NAV2: variants seen among roughly 807,000 people sequenced by gnomAD.
NAV2 encodes neuron navigator 2.
A neutral mutation model predicts 223.2 loss-of-function variants in NAV2; 54 were observed. That is an observed-to-expected ratio of 0.24 (90% confidence interval 0.19 to 0.30). The LOEUF (loss-of-function observed/expected upper bound fraction) is 0.30, where lower values mean the gene tolerates loss of function less well. Ranked by LOEUF, NAV2 falls within the 10% of genes least tolerant of loss-of-function variation. The probability of loss-of-function intolerance (pLI) is 1.00; values close to 1 mark genes in which losing one functional copy is unlikely to be tolerated. For missense variants in NAV2, 2,806 were observed against 3,147.5 expected, an observed-to-expected ratio of 0.89 and a Z score of 2.60; for synonymous variants, 1,279 against 1,239.3, an observed-to-expected ratio of 1.03 and a Z score of -0.67.
chr11:19,817,681 T>G (rs925391724), intron 1 of NAV2, among the ~76,000 whole-genome samples: 2 of 152,216 alleles, frequency 1.3e-5, no homozygotes. Flanking sequence ...GCAGGTGCTC[T>G]GTAACAAGCA....
At chr11:19,806,389 T>C (rs2058561768) in intron 1 of NAV2, among the ~76,000 whole-genome samples, 1 of 152,252 alleles carries the variant, frequency 6.6e-6, no homozygotes. Context: ...TCTGTTGTCA[T>C]CAGATTCCTT....
chr11:19,548,955 T>G (rs16936962), intron 1 of NAV2, among the ~76,000 whole-genome samples: 5,417 of 151,750 alleles, frequency 0.036, 293 homozygotes, highest in South Asian at 0.15. Flanking sequence ...GTAGAGGTGA[T>G]GGATTCTCTT....
intron 1 of NAV2, among the ~76,000 whole-genome samples, chr11:19,706,423 C>G (rs1444338012): frequency 6.6e-6 from 1 of 152,120 alleles, no homozygotes. Flanking sequence ...ATCAACATAC[C>G]TGATAACCCC....
At chr11:19,576,888 T>C (rs944934438) in intron 1 of NAV2, among the ~76,000 whole-genome samples, 1 of 152,166 alleles carries the variant, frequency 6.6e-6, no homozygotes, top group Non-Finnish European at 1.5e-5. Context: ...TGTCCTGGGG[T>C]CCTTCCATCT....
chr11:19,661,272 C>T (rs775817340), intron 1 of NAV2, among the ~76,000 whole-genome samples: 12 of 152,038 alleles, frequency 7.9e-5, no homozygotes, highest in Admixed American at 2.0e-4. Flanking sequence ...AGCACGTGTC[C>T]GAATTTTTTT....
chr11:19,823,862 C>T (rs1164669404), intron 1 of NAV2, among the ~76,000 whole-genome samples: 1 of 151,198 alleles, frequency 6.6e-6, no homozygotes, highest in Non-Finnish European at 1.5e-5. Flanking sequence ...CACATGTATA[C>T]CTATGTAACA....
intron 3 of NAV2, among the ~76,000 whole-genome samples, chr11:19,856,290 T>C (rs572413429): frequency 6.6e-6 from 1 of 152,348 alleles, no homozygotes; most frequent in South Asian, 2.1e-4. Flanking sequence ...CCTCTGACAT[T>C]GTGGCTATGG....
rs752368978 is a variant in NAV2 at position 20,035,978 on chromosome 11, G to T, written c.2788G>T (p.Val930Phe). 1 of 1,614,126 alleles carries T rather than the reference G, an allele frequency of 6.2e-7. No homozygotes were observed. ...TGGCAGCTGGGACGACAGCAGCTCC[G>T]TCAGCAGCGGCATCAGCGACACCAT... is the stretch of plus-strand genomic sequence containing the variant. ...DADSWDDSSS[V>F]SSGISDTIDN... The change falls in exon 12 of 38, where the codon GTC becomes TTC. Residue 930 changes from valine to phenylalanine, a missense_variant. By Grantham distance (50) the Val-to-Phe change is conservative. Around this residue, in one of 4 missense-constraint regions of NAV2, gnomAD observed 73 missense variants for 119.7 expected, o/e 0.61. Transcript: ENST00000349880.
At chr11:19,346,485 C>T (rs10833097), upstream of NAV2, among the ~76,000 whole-genome samples, 20,191 of 152,234 alleles carry the variant, frequency 0.13, 1,706 homozygotes, top group Admixed American at 0.23. Flanking sequence ...CTGGGAGCCG[C>T]GGTGCCTCCC....
intron 6 of NAV2, among the ~76,000 whole-genome samples, chr11:19,929,872 A>G (rs1292386369): frequency 6.6e-6 from 1 of 152,208 alleles, no homozygotes; most frequent in Non-Finnish European, 1.5e-5. Flanking sequence ...TAACTGACCT[A>G]TAGCAGAAGC....
chr11:19,904,118 T>C (rs899810518), intron 6 of NAV2, among the ~76,000 whole-genome samples: 2 of 152,224 alleles, frequency 1.3e-5, no homozygotes, highest in Non-Finnish European at 2.9e-5. Context: ...ATGCTAGATT[T>C]GGTTCCATTT....
rs117438852 is a variant in NAV2 at position 19,990,391 on chromosome 11, C to G, written c.2768+6144C>G. Among the ~76,000 whole-genome samples the G allele has an allele frequency of 2.5e-3, 386 of 152,304 alleles. 1 individual carries two copies. Among genetic ancestry groups the G allele is most frequent in the Non-Finnish European group, 4.3e-3 (292 of 68,036 alleles). ...TCTGCAGTCATTCAAAAACTTTTCTCTCCTGGTCTTGGCTAACCACTACAT... is the reference window on the plus strand; with the variant it reads ...TCTGCAGTCATTCAAAAACTTTTCTGTCCTGGTCTTGGCTAACCACTACAT... On this transcript the variant is annotated intron_variant, in intron 11 of 37. Transcript: ENST00000349880.
chr11:19,670,889 T>C (rs1373216035), intron 1 of NAV2, among the ~76,000 whole-genome samples: 1 of 152,232 alleles, frequency 6.6e-6, no homozygotes, highest in Non-Finnish European at 1.5e-5. Flanking sequence ...GCAGCCACAA[T>C]CTAGTTCATC....
At chr11:20,096,676 A>G (rs923192401) in intron 30 of NAV2, among the ~76,000 whole-genome samples, 9 of 152,228 alleles carry the variant, frequency 5.9e-5, no homozygotes, top group Admixed American at 2.0e-4. Context: ...TACTTTTGCA[A>G]CAACCTAATA....
At chr11:19,820,989 G>T (rs939286266) in intron 1 of NAV2, among the ~76,000 whole-genome samples, 2 of 152,212 alleles carry the variant, frequency 1.3e-5, no homozygotes, top group African/African-American at 4.8e-5. Context: ...AGGGCCGGGC[G>T]CAGTGGCTCA....
intron 1 of NAV2, among the ~76,000 whole-genome samples, chr11:19,441,793 G>T (rs1402724938): frequency 6.6e-6 from 1 of 152,166 alleles, no homozygotes; most frequent in Non-Finnish European, 1.5e-5. Context: ...GGGGCTGGGG[G>T]TGCTAAGTTG....
intron 1 of NAV2, among the ~76,000 whole-genome samples, chr11:19,376,816 G>A (rs1166757948): frequency 6.6e-6 from 1 of 152,202 alleles, no homozygotes; most frequent in East Asian, 1.9e-4. Flanking sequence ...AGTAAGGGAA[G>A]GCTTCCTGGA....
Position 20,054,448 on chromosome 11 carries a change from C to T in NAV2, c.4642+208C>T, listed in dbSNP as rs188286774. ...TTGAAATAGACATATAGTCACATCC[C>T]GCTCAGTGTCTGATTAGCCCTCGGC... On this transcript the variant is annotated intron_variant, in intron 18 of 37. Coordinates refer to ENST00000349880, the MANE Select transcript of NAV2 (RefSeq NM_145117.5). Among the ~76,000 whole-genome samples, 304 of 152,230 alleles carry T rather than the reference C, an allele frequency of 2.0e-3. 1 individual carries two copies. The highest frequency in any genetic ancestry group is 7.0e-3 in the African/African-American group (289 of 41,536).
chr11:19,942,872 G>A (rs888628808), intron 8 of NAV2, among the ~76,000 whole-genome samples: 3 of 152,130 alleles, frequency 2.0e-5, no homozygotes, highest in African/African-American at 7.2e-5. Flanking sequence ...AGCCCTAGCT[G>A]CATGGGAGGC....
Sources: gnomAD v4.1 joint callset for allele counts (sites outside exome capture counted in the v4.1 genomes callset) on GRCh38, gnomAD v4.1.1 for gene constraint, gnomAD v4.1.1 regional missense constraint, MANE v1.5 for transcripts, NCBI Gene and HGNC (gene_info 2026-07-23, HGNC 2026-07-21) for gene names.